ATRNL1: variants seen among roughly 807,000 people sequenced by gnomAD.
ATRNL1 encodes attractin-like protein 1.
In ATRNL1, 95 loss-of-function variants were observed where a neutral mutation model predicts 182.7. The ratio of observed to expected loss-of-function variants is 0.52; its 90% CI spans 0.44 to 0.62. The LOEUF (loss-of-function observed/expected upper bound fraction) is 0.62. Ranked by LOEUF, ATRNL1 falls within the 20% of genes least tolerant of loss-of-function variation. The pLI is 0.00. For missense variants in ATRNL1, 1,471 were observed against 1,679.5 expected, an observed-to-expected ratio of 0.88 and a Z score of 2.17; for synonymous variants, 576 against 568.3, an observed-to-expected ratio of 1.01 and a Z score of -0.19.
intron 26 of ATRNL1, among the ~76,000 whole-genome samples, chr10:115,696,189 G>A (rs1279795384): frequency 4.6e-5 from 7 of 151,826 alleles, no homozygotes; most frequent in Admixed American, 2.0e-4. Flanking sequence ...GGGAGACACC[G>A]CACCCTGTCA....
chr10:115,689,029 T>C (rs782782438), intron 26 of ATRNL1, among the ~76,000 whole-genome samples: 5 of 152,198 alleles, frequency 3.3e-5, no homozygotes, highest in Non-Finnish European at 7.3e-5. Context: ...GTTATCTAGC[T>C]GTCCCAATAC....
intron 19 of ATRNL1, among the ~76,000 whole-genome samples, chr10:115,365,990 T>G (rs1857016579): frequency 6.6e-6 from 1 of 152,150 alleles, no homozygotes; most frequent in Admixed American, 6.6e-5. Flanking sequence ...AAAATGTATA[T>G]TCTGTTGATT....
At chr10:115,311,189 ATTT>A (rs58808060) in intron 17 of ATRNL1, among the ~76,000 whole-genome samples, 1 of 133,816 alleles carries the variant, frequency 7.5e-6, no homozygotes, top group Non-Finnish European at 1.6e-5. Flanking sequence ...TATGATTTAG[ATTT>A]TTTTTTTTTT....
intron 19 of ATRNL1, among the ~76,000 whole-genome samples, chr10:115,369,822 A>G (rs1455510774): frequency 6.6e-6 from 1 of 152,166 alleles, no homozygotes; most frequent in East Asian, 1.9e-4. Flanking sequence ...TTCCCTGATG[A>G]TAAATGATGT....
intron 19 of ATRNL1, among the ~76,000 whole-genome samples, chr10:115,388,090 G>A (rs536130253): frequency 2.0e-5 from 3 of 152,274 alleles, no homozygotes; most frequent in Non-Finnish European, 4.4e-5. Flanking sequence ...GTATTCTTTA[G>A]TATCAAGGCA....
chr10:115,456,402 C>T (rs950768609), intron 21 of ATRNL1, among the ~76,000 whole-genome samples: 1 of 152,250 alleles, frequency 6.6e-6, no homozygotes, highest in Non-Finnish European at 1.5e-5. Flanking sequence ...CCAAACACCG[C>T]ATGTTCTCAC....
chr10:115,370,693 C>A (rs1554947785), intron 19 of ATRNL1, among the ~76,000 whole-genome samples: 1 of 152,122 alleles, frequency 6.6e-6, no homozygotes, highest in African/African-American at 2.4e-5. Context: ...AAAAGGGAAA[C>A]AGCATAAAAG....
At chr10:115,511,839 G>T (rs973852216) in intron 24 of ATRNL1, among the ~76,000 whole-genome samples, 2 of 151,726 alleles carry the variant, frequency 1.3e-5, no homozygotes, top group African/African-American at 2.4e-5. Flanking sequence ...TATTATCAGG[G>T]TTACTGTAGT....
At chr10:115,105,271 C>A (rs977190765) in intron 1 of ATRNL1, among the ~76,000 whole-genome samples, 1 of 151,978 alleles carries the variant, frequency 6.6e-6, no homozygotes, top group Non-Finnish European at 1.5e-5. Context: ...CTTTGAACTT[C>A]AGCGAGATGA....
At chr10:115,842,343 T>A (rs145605589) in intron 27 of ATRNL1, among the ~76,000 whole-genome samples, 9 of 152,212 alleles carry the variant, frequency 5.9e-5, no homozygotes, top group African/African-American at 2.2e-4. Flanking sequence ...AGATGTGCCA[T>A]TTAAAGTAAC....
chr10:115,484,966 A>G (rs559931843), intron 24 of ATRNL1, among the ~76,000 whole-genome samples: 22 of 152,014 alleles, frequency 1.4e-4, no homozygotes, highest in African/African-American at 5.3e-4. Context: ...GGAGTTGGCA[A>G]GAATCACTAT....
rs534427149 is a variant in ATRNL1, at chr10:115,331,588, G to A, written c.3038-2694G>A. On this transcript the variant is annotated intron_variant, in intron 18 of 28. Transcript: ENST00000355044. ...ATTAGTAATTGGCACCTTGTTTTGG[G>A]CGTTTCATGAGGCCATCTTTTCCAA... 2.0e-5 allele frequency among the ~76,000 whole-genome samples: 3 copies of A among 152,036 alleles called. No individual in the cohort carries two copies. The East Asian group carries it at 5.8e-4, about 30-fold the overall frequency.
intron 19 of ATRNL1, among the ~76,000 whole-genome samples, chr10:115,350,346 G>GAAAAAAAAAA (rs71010016): frequency 4.5e-5 from 3 of 66,376 alleles, no homozygotes; most frequent in Admixed American, 2.6e-4. Flanking sequence ...AAAAAAAAAA[G>GAAAAAAAAAA]AAAAAAAAAA....
rs1554911038 is a variant in ATRNL1 at position 115,267,008 on chromosome 10, A to G, written c.1981+3A>G. On this transcript the variant is annotated splice_donor_region_variant and intron_variant, in intron 12 of 28. Coordinates refer to ENST00000355044, the MANE Select transcript of ATRNL1 (RefSeq NM_207303.4). ...AGCAAAGTGCCCTCCTAAAACAGGT[A>G]AATTTCTTTTTCTTTTCGTCTTTGT... 6.3e-7 allele frequency: 1 copy of G among 1,588,388 alleles called. No homozygotes were observed. Among genetic ancestry groups the G allele is most frequent in the Non-Finnish European group, 8.6e-7 (1 of 1,163,122 alleles).
Position 115,448,253 on chromosome 10 carries a change from A to G in ATRNL1, c.3323-13688A>G, listed in dbSNP as rs570595437. On this transcript the variant is annotated intron_variant, in intron 21 of 28. Transcript: ENST00000355044. ...ATTTATACATTCTTCTCTTTGCTACATGGCACCTACCCTAAACTCGAATAT... is the reference window on the plus strand; with the variant it reads ...ATTTATACATTCTTCTCTTTGCTACGTGGCACCTACCCTAAACTCGAATAT... Among the ~76,000 whole-genome samples, 6 of 152,282 alleles carry G rather than the reference A, an allele frequency of 3.9e-5. No individual in the cohort carries two copies. In the East Asian group the frequency reaches 1.2e-3, roughly 29 times the overall value.
intron 27 of ATRNL1, among the ~76,000 whole-genome samples, chr10:115,805,317 T>A (rs560343377): frequency 2.6e-4 from 40 of 152,190 alleles, no homozygotes; most frequent in African/African-American, 9.6e-4. Context: ...GATGCTGCAT[T>A]TTTTTGTAAA....
chr10:115,369,681 A>G (rs949222355), intron 19 of ATRNL1, among the ~76,000 whole-genome samples: 6 of 152,102 alleles, frequency 3.9e-5, no homozygotes, highest in South Asian at 2.1e-4. Context: ...ATTAATTTAC[A>G]TTCCCCCCAA....
chr10:115,630,863 CACACACACACAT>C (rs781941252), intron 26 of ATRNL1, among the ~76,000 whole-genome samples: 9 of 144,266 alleles, frequency 6.2e-5, no homozygotes, highest in Middle Eastern at 3.6e-3. Flanking sequence ...CACACACACA[CACACACACACAT>C]TGGAATTTTT....
rs535191547 is a variant in ATRNL1, at chr10:115,521,445, G to T, written c.3716+2121G>T. On this transcript the variant is annotated intron_variant, in intron 25 of 28. Transcript: ENST00000355044. Reference sequence around the variant, plus strand: ...TGGGATTACAAGTGTGAGCCACCATGCCTGGTCTAAAAAAAACTTTTTGAT... The same window carrying T: ...TGGGATTACAAGTGTGAGCCACCATTCCTGGTCTAAAAAAAACTTTTTGAT... 5.3e-5 allele frequency among the ~76,000 whole-genome samples: 8 copies of T among 152,234 alleles called. No individual in the cohort carries two copies. The South Asian group carries it at 1.7e-3, about 32-fold the overall frequency.
Sources: gnomAD v4.1 joint callset for allele counts (sites outside exome capture counted in the v4.1 genomes callset) on GRCh38, gnomAD v4.1.1 for gene constraint, MANE v1.5 for transcripts, NCBI Gene and HGNC (gene_info 2026-07-23, HGNC 2026-07-21) for gene names.